Variants in GRK1 observed in about 807,000 individuals in gnomAD.
GRK1 encodes rhodopsin kinase GRK1.
GRK1 carries 28 observed loss-of-function variants against 41.7 expected under a neutral mutation model. That is an observed-to-expected ratio of 0.67 (90% CI 0.50 to 0.92). GRK1 has a LOEUF of 0.92. Ranked by LOEUF, GRK1 falls within the 40% of genes least tolerant of loss-of-function variation. The pLI, the probability that GRK1 is intolerant of heterozygous loss-of-function variation, is 0.00. For missense variants in GRK1, 703 were observed against 671.2 expected, an observed-to-expected ratio of 1.05 and a Z score of -0.52; for synonymous variants, 327 against 286.7, an observed-to-expected ratio of 1.14 and a Z score of -1.42.
the GRK1 span, chr13:113,654,808 G>GCTT: frequency 1.9e-6 from 3 of 1,613,258 alleles, no homozygotes; most frequent in African/African-American, 4.0e-5. Flanking sequence ...CATCCCGGGC[G>GCTT]CTTACCTGGT....
chr13:113,728,850 C>T (rs865796063), intron 4 of GRK1, among the ~76,000 whole-genome samples: 11 of 152,248 alleles, frequency 7.2e-5, no homozygotes, highest in South Asian at 2.1e-4. Flanking sequence ...GGGCACAGCC[C>T]GGCTGGTGGG....
intron 6 of GRK1, among the ~76,000 whole-genome samples, chr13:113,733,766 T>TAC (rs1566699901): frequency 2.6e-5 from 3 of 115,574 alleles, no homozygotes; most frequent in African/African-American, 1.0e-4. Context: ...TGCGTGTGTA[T>TAC]GTGTGTGCAT....
the GRK1 span, chr13:113,654,844 G>C: frequency 6.2e-7 from 1 of 1,614,144 alleles, no homozygotes; most frequent in Non-Finnish European, 8.5e-7. Flanking sequence ...TGGTAGTCCG[G>C]TGTGTACGGG....
Position 113,667,764 on chromosome 13 carries a change from G to A in GRK1, c.378G>A (p.Leu126=). 1.9e-6 allele frequency: 3 copies of A among 1,613,322 alleles called. No individual in the cohort carries two copies. Among genetic ancestry groups the A allele is most frequent in the Non-Finnish European group, 2.5e-6 (3 of 1,179,408 alleles). ...DPQAKLFCSF[L]DEGIVAKFKE... ...AGGCCAAACTCTTCTGCAGCTTCCT[G>A]GATGAGGGGATAGTGGCGAAGTTTA... The change falls in exon 1 of 7, where the codon CTG becomes CTA. Residue 126 remains leucine, a synonymous_variant. Coordinates refer to ENST00000335678, the MANE Select transcript of GRK1 (RefSeq NM_002929.3). The surrounding 1 kb of genome is among the most constrained non-coding windows in gnomAD (Gnocchi z 7.5).
In GRK1 at chr13:113,731,475, C is replaced by T; in HGVS notation, c.1194+132C>T. On this transcript the variant is annotated intron_variant, in intron 5 of 6. Coordinates refer to ENST00000335678, the MANE Select transcript of GRK1 (RefSeq NM_002929.3). The surrounding 1 kb of genome is among the most constrained non-coding windows in gnomAD (Gnocchi z 5.6). The stretch of plus-strand genomic sequence containing the variant: ...TGTGGGCCCTGGGGTGGGGAGGGCA[C>T]AGATTCACGTGCTGGGGTCTTGCTC... The T allele has an allele frequency of 7.7e-7, 1 of 1,295,128 alleles. No homozygotes were observed. Among genetic ancestry groups the T allele is most frequent in the Non-Finnish European group, 1.0e-6 (1 of 957,130 alleles). 80.2% of individuals were successfully genotyped at this position (1,295,128 alleles called of 1,614,324 possible).
At chr13:113,654,974 C>A in the GRK1 span, 1 of 1,612,572 alleles carries the variant, frequency 6.2e-7, no homozygotes, top group African/African-American at 1.3e-5. Flanking sequence ...AAATTTACCA[C>A]GTCAGCCATT....
At chr13:113,732,584 CCG>C (rs1404331874) in intron 5 of GRK1, among the ~76,000 whole-genome samples, 1 of 152,244 alleles carries the variant, frequency 6.6e-6, no homozygotes, top group African/African-American at 2.4e-5. Context: ...TCAGCTGGGC[CCG>C]CGCTGGCCTT....
the GRK1 span, chr13:113,650,308 T>G: frequency 8.3e-7 from 1 of 1,210,856 alleles, no homozygotes; most frequent in Admixed American, 1.9e-5. The surrounding 1 kb of genome is among the most constrained non-coding windows in gnomAD (Gnocchi z 5.0). Flanking sequence ...ACACCTTTGT[T>G]TCATTTTTCT....
chr13:113,664,193 G>A (rs572231809), upstream of GRK1, among the ~76,000 whole-genome samples: 3 of 152,266 alleles, frequency 2.0e-5, no homozygotes, highest in South Asian at 2.1e-4. The surrounding 1 kb of genome is among the most constrained non-coding windows in gnomAD (Gnocchi z 5.4). Context: ...TAGAGAAGTC[G>A]TGGTTGCCGG....
In GRK1 at chr13:113,671,490, T is replaced by C. The variant is rs748810407; in HGVS notation, c.828-9T>C. 2.6e-6 allele frequency: 2 copies of C among 779,056 alleles called. No individual in the cohort carries two copies. The highest frequency in any genetic ancestry group is 4.8e-6 in the Non-Finnish European group (2 of 417,942). 48.3% of individuals were successfully genotyped at this position (779,056 alleles called of 1,614,324 possible). Reference sequence around the variant, plus strand: ...CCGGGGTGCATGGTTCCCACGTGTCTTCCCCCAGGTACCACATCTACAACG... The same window carrying C: ...CCGGGGTGCATGGTTCCCACGTGTCCTCCCCCAGGTACCACATCTACAACG... On this transcript the variant is annotated splice_polypyrimidine_tract_variant and intron_variant, in intron 2 of 6. Transcript: ENST00000335678. This position sits in a 1 kb window ranked among gnomAD's most constrained non-coding sequence, Gnocchi z 4.1.
At chr13:113,649,335 G>A in the GRK1 span, 53 of 1,562,458 alleles carry the variant, frequency 3.4e-5, no homozygotes, top group African/African-American at 4.5e-4. This position sits in a 1 kb window ranked among gnomAD's most constrained non-coding sequence, Gnocchi z 4.7. Context: ...GTCCTTGAGC[G>A]ACCCCGCAGG....
intron 4 of GRK1, among the ~76,000 whole-genome samples, chr13:113,729,816 A>C (rs36141015): frequency 7.4e-6 from 1 of 135,588 alleles, no homozygotes; most frequent in Non-Finnish European, 1.6e-5. Flanking sequence ...GACAGTTGCC[A>C]CGGCTGAGCC....
intron 4 of GRK1, among the ~76,000 whole-genome samples, chr13:113,728,231 G>A (rs1193911408): frequency 1.7e-5 from 1 of 59,370 alleles, no homozygotes; most frequent in Non-Finnish European, 3.6e-5. Flanking sequence ...AGTACCCATG[G>A]CGAGGAGTAC....
the GRK1 span, chr13:113,652,631 T>C: frequency 3.3e-6 from 2 of 600,798 alleles, no homozygotes; most frequent in Non-Finnish European, 6.1e-6. Flanking sequence ...CCTGTTCAAA[T>C]GTTTCCACAT....
chr13:113,733,662 C>CATGTATGTGTGCATACGTGTGTGCGT (rs1566699550), intron 6 of GRK1, among the ~76,000 whole-genome samples: 1 of 126,056 alleles, frequency 7.9e-6, no homozygotes, highest in East Asian at 2.3e-4. Flanking sequence ...CGTGTGTGTG[C>CATGTATGTGTGCATACGTGTGTGCGT]GTGTGTGCAC....
the GRK1 span, among the ~76,000 whole-genome samples, chr13:113,658,794 G>C: frequency 6.6e-6 from 1 of 152,188 alleles, no homozygotes. Flanking sequence ...CAGTGGCACC[G>C]AGGGCCCTTT....
chr13:113,725,362 C>G (rs1291187770), intron 4 of GRK1, among the ~76,000 whole-genome samples: 13 of 69,602 alleles, frequency 1.9e-4, no homozygotes, highest in African/African-American at 2.0e-4. Flanking sequence ...ATGCGCGGTC[C>G]TAGTTTGAGT....
chr13:113,652,065 G>C, the GRK1 span, among the ~76,000 whole-genome samples: 1 of 152,216 alleles, frequency 6.6e-6, no homozygotes, highest in African/African-American at 2.4e-5. Flanking sequence ...CAGAGCACGG[G>C]CCGGCCTGCC....
the GRK1 span, chr13:113,652,547 C>T: frequency 1.9e-5 from 8 of 416,566 alleles, no homozygotes; most frequent in East Asian, 4.3e-4. Context: ...ATCCTGACTC[C>T]AGAACTTGAG....
Sources: allele counts gnomAD v4.1 joint callset (sites outside exome capture counted in the v4.1 genomes callset), GRCh38; gene constraint gnomAD v4.1.1; non-coding constraint Gnocchi (gnomAD v3.1); transcripts MANE v1.5; gene names NCBI Gene and HGNC (gene_info 2026-07-23, HGNC 2026-07-21).